WNK2: variants seen among roughly 807,000 people sequenced by gnomAD.
WNK2 encodes serine/threonine-protein kinase WNK2.
Under a neutral mutation model 192.1 loss-of-function variants are expected in WNK2, and 67 were observed. The ratio of observed to expected loss-of-function variants is 0.35; its 90% CI spans 0.29 to 0.43. WNK2 has a LOEUF of 0.43. Ranked by LOEUF, WNK2 falls within the 20% of genes least tolerant of loss-of-function variation. The pLI is 1.00. For missense variants in WNK2, 2,698 were observed against 3,089.7 expected (o/e 0.87, Z 3.01); for synonymous variants, 1,439 against 1,393.9 (o/e 1.03, Z -0.72).
intron 7 of WNK2, among the ~76,000 whole-genome samples, chr9:93,241,474 G>A (rs1024047178): frequency 6.6e-6 from 1 of 152,122 alleles, no homozygotes; most frequent in East Asian, 1.9e-4. Flanking sequence ...AATACATCAC[G>A]TCTGTTGAAA....
At chr9:93,298,146 G>A (rs1038056852) in intron 24 of WNK2, 79 bp downstream of exon 24, 1 of 1,467,778 alleles carries the variant, frequency 6.8e-7, no homozygotes, top group Non-Finnish European at 9.2e-7. Context: ...GCTCCGTGCA[G>A]GTGTGACACC....
At chr9:93,240,595 A>G (rs561129027) in intron 7 of WNK2, among the ~76,000 whole-genome samples, 150 of 152,196 alleles carry the variant, frequency 9.9e-4, no homozygotes, top group African/African-American at 3.3e-3. Flanking sequence ...GCCGACTGGA[A>G]TGAGAGGCAG....
chr9:93,246,084 C>G (rs1449798186), intron 7 of WNK2, among the ~76,000 whole-genome samples: 1 of 152,200 alleles, frequency 6.6e-6, no homozygotes, highest in Non-Finnish European at 1.5e-5. Flanking sequence ...ACACTTCACC[C>G]CTCCTGCCAC....
Position 93,259,242 on chromosome 9 carries a change from C to T in WNK2, c.2694C>T (p.Ser898=). The change falls in exon 12 of 30, where the codon TCC becomes TCT. Residue 898 remains serine, a synonymous_variant. Coordinates refer to ENST00000427277, the MANE Select transcript of WNK2 (RefSeq NM_006648.4). This position sits in a 1 kb window ranked among gnomAD's most constrained non-coding sequence, Gnocchi z 4.8. The part of the protein sequence containing the change: ...AVAPPGVAAL[S]IHSAVAQLPG... ...CCCCACCGGGCGTGGCTGCCCTGTC[C>T]ATTCATTCTGCCGTGGCCCAGCTCC... 6.2e-7 allele frequency: 1 copy of T among 1,613,450 alleles called. No homozygotes were observed. The highest frequency in any genetic ancestry group is 8.5e-7 in the Non-Finnish European group (1 of 1,179,794).
In WNK2 at chr9:93,186,628, C is replaced by T. The variant is rs148196727; in HGVS notation, c.681+1018C>T. The stretch of plus-strand genomic sequence containing the variant: ...GCTGGGGCAAGCTGTGTTCTGGGGC[C>T]GCTGGCCACACTGCGGGACTCTTGC... On this transcript the variant is annotated intron_variant, in intron 2 of 29. Transcript: ENST00000427277. Among the ~76,000 whole-genome samples the T allele has an allele frequency of 3.2e-3, 493 of 152,304 alleles. 4 individuals carry two copies. Among genetic ancestry groups the T allele is most frequent in the South Asian group, 0.018 (87 of 4,828 alleles).
At chr9:93,318,854 C>T in intron 29 of WNK2, 1 of 1,398,874 alleles carries the variant, frequency 7.1e-7, no homozygotes, top group Non-Finnish European at 9.3e-7. Flanking sequence ...CCAGCCTCCT[C>T]CACCTCCCAC....
In WNK2 at chr9:93,292,616, C is replaced by T. The variant is rs758514951; in HGVS notation, c.5151C>T (p.His1717=). ...GCACAGTGGGGGGCCAGGCTAGCCA[C>T]CCCCAGACACTCGGCGCTCGAGCTT... ...DMGTVGGQAS[H]PQTLGARALG... is the part of the protein sequence containing the mutation. The change falls in exon 23 of 30, where the codon CAC becomes CAT. Residue 1717 remains histidine (H), a synonymous_variant. Transcript: ENST00000427277. 1 of 1,583,348 alleles carries T rather than the reference C, an allele frequency of 6.3e-7. No individual in the cohort carries two copies. Among genetic ancestry groups the T allele is most frequent in the Admixed American group, 1.8e-5 (1 of 55,694 alleles).
In WNK2 at chr9:93,249,907, ATTTTTTTTT is replaced by A. The variant is rs58293954; in HGVS notation, c.1834+2091_1834+2099del. ...TCCCTAGAGGCAACAGATGCTACCA[ATTTTTTTTT>A]TTTTTTTTTTTTTTTTTAAAGACAG... On this transcript the variant is annotated intron_variant, in intron 8 of 29. Transcript: ENST00000427277. Among the ~76,000 whole-genome samples, 130 of 85,442 alleles carry A rather than the reference ATTTTTTTTT, an allele frequency of 1.5e-3. 2 individuals carry two copies. Among genetic ancestry groups the A allele is most frequent in the African/African-American group, 3.7e-3 (77 of 20,614 alleles). 56.1% of individuals were successfully genotyped at this position (85,442 alleles called of 152,430 possible). A position where few individuals can be genotyped will look rare whatever the true frequency, so the allele number is the denominator to read the frequency against.
chr9:93,253,675 T>C (rs1842899416), intron 9 of WNK2, among the ~76,000 whole-genome samples: 1 of 152,098 alleles, frequency 6.6e-6, no homozygotes, highest in Admixed American at 6.5e-5. Context: ...GGGAACACTT[T>C]CAGGGAGCAC....
intron 2 of WNK2, among the ~76,000 whole-genome samples, chr9:93,190,638 G>A (rs999048771): frequency 9.8e-5 from 15 of 152,352 alleles, no homozygotes; most frequent in African/African-American, 2.6e-4. Flanking sequence ...ATGCCCTCCC[G>A]CAGCACTGGA....
At chr9:93,252,678 A>G (rs1400763576) in intron 8 of WNK2, among the ~76,000 whole-genome samples, 1 of 152,232 alleles carries the variant, frequency 6.6e-6, no homozygotes, top group Non-Finnish European at 1.5e-5. Context: ...CTGGCCAGAC[A>G]TGGGCAGTGT....
chr9:93,225,339 T>G (rs147863307), intron 2 of WNK2, among the ~76,000 whole-genome samples: 1 of 152,260 alleles, frequency 6.6e-6, no homozygotes, highest in Admixed American at 6.5e-5. Flanking sequence ...GAGGCTGCAG[T>G]GAGCTATGAT....
At chr9:93,277,518 T>C (rs552300267) in intron 19 of WNK2, among the ~76,000 whole-genome samples, 3 of 152,314 alleles carry the variant, frequency 2.0e-5, no homozygotes, top group South Asian at 2.1e-4. Context: ...AAAAGAAATA[T>C]ATCATTGGTA....
At chr9:93,235,926 C>T (rs1013620008) in intron 5 of WNK2, among the ~76,000 whole-genome samples, 8 of 152,248 alleles carry the variant, frequency 5.3e-5, no homozygotes, top group Middle Eastern at 3.2e-3. Context: ...GCATTTCTGT[C>T]CCTTGGTTGT....
chr9:93,311,640 T>TGTGTGTGTGTG (rs1554755231), intron 28 of WNK2, among the ~76,000 whole-genome samples: 3 of 151,638 alleles, frequency 2.0e-5, no homozygotes, highest in African/African-American at 7.3e-5. Flanking sequence ...TGTGTGTGTG[T>TGTGTGTGTGTG]TTTGAGACGG....
chr9:93,312,987 C>T (rs1253849699), intron 28 of WNK2, among the ~76,000 whole-genome samples: 1 of 152,190 alleles, frequency 6.6e-6, no homozygotes, highest in African/African-American at 2.4e-5. Flanking sequence ...TGCCGGTGAA[C>T]CCCTCTAGTG....
intron 16 of WNK2, among the ~76,000 whole-genome samples, chr9:93,266,488 G>A (rs903002842): frequency 1.3e-5 from 2 of 152,156 alleles, no homozygotes; most frequent in Non-Finnish European, 2.9e-5. Flanking sequence ...GTTGCAAAGG[G>A]GTTCTAGTTC....
rs775220794 is a variant in WNK2, at chr9:93,288,895, C to T, written c.4141C>T (p.Pro1381Ser). 2 of 1,609,532 alleles carry T rather than the reference C, an allele frequency of 1.2e-6. No individual in the cohort carries two copies. The highest frequency in any genetic ancestry group is 2.2e-5 in the East Asian group (1 of 44,754). Residue 1381 changes from proline (P) to serine (S), a missense_variant, in exon 20 of 30, where the codon CCA (proline) becomes TCA (serine). Transcript: ENST00000427277. ...CCCCAGCAACCCTCCTGGGGCACCC[C>T]CAGCCCCTTTGGCCCCCTCCTCCCC... is the stretch of plus-strand genomic sequence containing the variant. The part of the protein sequence containing the change: ...AGPSNPPGAP[P>S]APLAPSSPPV...
chr9:93,288,504 CAGAA>C (rs929896318), intron 19 of WNK2, among the ~76,000 whole-genome samples: 9 of 152,176 alleles, frequency 5.9e-5, no homozygotes, highest in Non-Finnish European at 7.3e-5. Context: ...ACAGAAGACA[CAGAA>C]GGAAGGGTGG....
Sources: allele counts gnomAD v4.1 joint callset (sites outside exome capture counted in the v4.1 genomes callset), GRCh38; gene constraint gnomAD v4.1.1; non-coding constraint Gnocchi (gnomAD v3.1); transcripts MANE v1.5; gene names NCBI Gene and HGNC (gene_info 2026-07-23, HGNC 2026-07-21).